PCDHA13: variants seen among roughly 807,000 people sequenced by gnomAD.
PCDHA13 encodes protocadherin alpha 13.
A neutral mutation model predicts 64.8 loss-of-function variants in PCDHA13; 54 were observed. The observed-to-expected ratio is 0.83, with a 90% confidence interval of 0.67 to 1.04. The LOEUF is 1.04. PCDHA13 is among the 50% of genes least tolerant of loss of function. The pLI is 0.00. For missense variants in PCDHA13, 1,248 were observed against 1,254.3 expected, an observed-to-expected ratio of 0.99 and a Z score of 0.08; for synonymous variants, 587 against 564.4, an observed-to-expected ratio of 1.04 and a Z score of -0.57.
At chr5:140,976,316 C>T (rs1336395893) in intron 1 of PCDHA13, among the ~76,000 whole-genome samples, 17 of 152,002 alleles carry the variant, frequency 1.1e-4, no homozygotes, top group Admixed American at 1.0e-3. Context: ...TTTGGGAGGC[C>T]GAGGAGGGTG....
At chr5:140,962,438 G>A (rs1375451859) in intron 1 of PCDHA13, among the ~76,000 whole-genome samples, 3 of 152,108 alleles carry the variant, frequency 2.0e-5, no homozygotes, top group Non-Finnish European at 2.9e-5. Context: ...CTTATCCAAA[G>A]ATGGCTTGAA....
At position 140,883,588 on chromosome 5, in the gene PCDHA13, C is replaced by A. The variant is rs781923113; in HGVS notation, c.1320C>A (p.Ser440Arg). 5.6e-6 allele frequency: 9 copies of A among 1,613,794 alleles called. No homozygotes were observed. In the East Asian group the frequency reaches 6.7e-5, roughly 12 times the overall value. ...GGSPSLWATA[S>R]VSVGVADVND... ...CGCCTTCGCTGTGGGCCACGGCCAG[C>A]GTGTCGGTGGGGGTGGCCGACGTGA... is the stretch of plus-strand genomic sequence containing the variant. Residue 440 changes from serine to arginine, a missense_variant, in exon 1 of 4, where the codon AGC (serine) becomes AGA (arginine). Physicochemically the swap from Ser to Arg is moderately radical, Grantham distance 110. Coordinates refer to ENST00000289272, the MANE Select transcript of PCDHA13 (RefSeq NM_018904.3).
chr5:140,926,065 G>A (rs1302106382), intron 1 of PCDHA13, among the ~76,000 whole-genome samples: 3 of 152,176 alleles, frequency 2.0e-5, no homozygotes, highest in Non-Finnish European at 2.9e-5. Context: ...TCCCCTCCTT[G>A]TCGTCTCTAT....
At chr5:140,953,996 T>C (rs989520486) in intron 1 of PCDHA13, among the ~76,000 whole-genome samples, 1 of 152,158 alleles carries the variant, frequency 6.6e-6, no homozygotes, top group African/African-American at 2.4e-5. Context: ...TCATGTGTAC[T>C]CATCATTCAG....
chr5:140,969,428 CAA>C lies in PCDHA13; in HGVS notation c.2395-9520_2395-9519del, dbSNP rs2096329692. The stretch of plus-strand genomic sequence containing the variant: ...GGCTTTATTGAGTCATTAACAGTGA[CAA>C]GAGTTATCTGGTAAACTGAGTATAT... On this transcript the variant is annotated intron_variant, in intron 1 of 3. Coordinates refer to ENST00000289272, the MANE Select transcript of PCDHA13 (RefSeq NM_018904.3). 8.4e-6 allele frequency: 13 copies of C among 1,555,028 alleles called. No homozygotes were observed. The East Asian group carries it at 1.4e-4, about 17-fold the overall frequency.
intron 3 of PCDHA13, among the ~76,000 whole-genome samples, chr5:140,993,156 A>G (rs2097543367): frequency 6.6e-6 from 1 of 152,188 alleles, no homozygotes; most frequent in Admixed American, 6.5e-5. Context: ...TGGATTCTAA[A>G]TATTTGCCTT....
intron 1 of PCDHA13, chr5:140,928,158 A>T: frequency 1.2e-6 from 2 of 1,614,066 alleles, no homozygotes; most frequent in Non-Finnish European, 1.7e-6. Flanking sequence ...ATAGTGGCTC[A>T]CCCCCACTTA....
At position 141,005,728 on chromosome 5, in the gene PCDHA13, A is replaced by T. The variant is rs574255915; in HGVS notation, c.2543-3899A>T. On this transcript the variant is annotated intron_variant, in intron 3 of 3. Coordinates refer to ENST00000289272, the MANE Select transcript of PCDHA13 (RefSeq NM_018904.3). ...AAAAAAAAAAAAAAAAAAAAAAAAA[A>T]AAAGAATGGATGAGAAATCATTCAA... Among the ~76,000 whole-genome samples the T allele has an allele frequency of 1.3e-4, 19 of 150,362 alleles. No homozygotes were observed. The South Asian group carries it at 1.7e-3, about 13-fold the overall frequency.
chr5:140,968,652 ACCTGGACCT>A lies in PCDHA13; in HGVS notation c.2395-10295_2395-10287del, dbSNP rs1332508740. The A allele has an allele frequency of 1.9e-6, 3 of 1,614,000 alleles. No homozygotes were observed. In the African/African-American group the frequency reaches 4.0e-5, roughly 22 times the overall value. On this transcript the variant is annotated intron_variant, in intron 1 of 3. Transcript: ENST00000289272. ...TTTTACCATCTAGCCCAGACTTCTGACCTGGACCTCTTTAAGGTAGAGCTGCACACAGGA... is the reference window on the plus strand; with the variant it reads ...TTTTACCATCTAGCCCAGACTTCTGACTTTAAGGTAGAGCTGCACACAGGA...
At chr5:140,965,402 G>A (rs1554227671) in intron 1 of PCDHA13, among the ~76,000 whole-genome samples, 1 of 152,112 alleles carries the variant, frequency 6.6e-6, no homozygotes, top group Non-Finnish European at 1.5e-5. Context: ...AGTCTAAGGA[G>A]TCTTATATTT....
chr5:140,984,754 A>G (rs2097118359), intron 3 of PCDHA13, among the ~76,000 whole-genome samples: 1 of 152,158 alleles, frequency 6.6e-6, no homozygotes, highest in Admixed American at 6.5e-5. Context: ...ATTTGAGTTG[A>G]ATTCTAATCC....
intron 1 of PCDHA13, among the ~76,000 whole-genome samples, chr5:140,963,211 G>A (rs185560728): frequency 0.016 from 2,496 of 152,042 alleles, 69 homozygotes; most frequent in African/African-American, 0.056. Flanking sequence ...AAAAAACCTC[G>A]TGTTTAGAGT....
chr5:140,915,328 A>G (rs1554196854), intron 1 of PCDHA13, among the ~76,000 whole-genome samples: 1 of 152,100 alleles, frequency 6.6e-6, no homozygotes. Context: ...CAGTGTTATA[A>G]TATTCTGTGT....
chr5:140,909,061 A>G (rs2074290709), intron 1 of PCDHA13, among the ~76,000 whole-genome samples: 2 of 152,188 alleles, frequency 1.3e-5, no homozygotes, highest in African/African-American at 4.8e-5. Context: ...CAAATGTCTC[A>G]CCAATAAGCC....
intron 1 of PCDHA13, among the ~76,000 whole-genome samples, chr5:140,965,384 A>C (rs1275113616): frequency 6.6e-6 from 1 of 152,222 alleles, no homozygotes; most frequent in Non-Finnish European, 1.5e-5. Flanking sequence ...GGGACACAGA[A>C]GAACAGAAGT....
chr5:140,902,859 A>G (rs964505072), intron 1 of PCDHA13, among the ~76,000 whole-genome samples: 18 of 152,208 alleles, frequency 1.2e-4, no homozygotes, highest in African/African-American at 4.3e-4. Context: ...AATGGCGTCC[A>G]GGTCCACCCA....
At chr5:140,895,904 C>T (rs956599707) in intron 1 of PCDHA13, among the ~76,000 whole-genome samples, 10 of 152,136 alleles carry the variant, frequency 6.6e-5, no homozygotes, top group South Asian at 2.1e-4. Flanking sequence ...CTCCGCGTCC[C>T]GGGCTCAACA....
chr5:140,931,111 G>A (rs1584701423), intron 1 of PCDHA13, among the ~76,000 whole-genome samples: 2 of 152,116 alleles, frequency 1.3e-5, no homozygotes, highest in East Asian at 3.8e-4. Flanking sequence ...TAATAGGTAT[G>A]CACATCATTA....
At chr5:140,926,117 A>G (rs2082917656) in intron 1 of PCDHA13, among the ~76,000 whole-genome samples, 1 of 152,190 alleles carries the variant, frequency 6.6e-6, no homozygotes, top group Admixed American at 6.5e-5. Flanking sequence ...GGTGCAGGAC[A>G]GACTTCAACC....
Sources: gnomAD v4.1 joint callset for allele counts (sites outside exome capture counted in the v4.1 genomes callset) on GRCh38, gnomAD v4.1.1 for gene constraint, MANE v1.5 for transcripts, NCBI Gene and HGNC (gene_info 2026-07-23, HGNC 2026-07-21) for gene names.